RECQL: variants seen among roughly 807,000 people sequenced by gnomAD.
The protein encoded by RECQL is ATP-dependent DNA helicase Q1.
In RECQL, 73 loss-of-function variants were observed where a neutral mutation model predicts 75.8. That is an observed-to-expected ratio of 0.96 (90% CI 0.80 to 1.17). The LOEUF is 1.17. RECQL is among the 50% of genes most tolerant of loss of function. The probability of loss-of-function intolerance (pLI) is 0.00; values close to 1 mark genes in which losing one functional copy is unlikely to be tolerated. For synonymous variants in RECQL, 248 were observed against 254.4 expected (o/e 0.97, Z 0.24); for missense variants, 699 against 772.1 (o/e 0.91, Z 1.12).
At chr12:21,496,008 T>C (rs1943500571) in intron 2 of RECQL, among the ~76,000 whole-genome samples, 1 of 152,170 alleles carries the variant, frequency 6.6e-6, no homozygotes, top group Non-Finnish European at 1.5e-5. Flanking sequence ...CTAAGGATTA[T>C]TATTATAGGA....
Position 21,491,596 on chromosome 12 carries a change from A to C in RECQL, c.137T>G (p.Ile46Arg). The change falls in exon 3 of 15, where the codon ATA becomes AGA. Residue 46 changes from isoleucine (I) to arginine (R), a missense_variant. By Grantham distance (97) the Ile-to-Arg change is moderately conservative. This residue lies in a region of RECQL where 669 missense variants were observed against 713.5 expected (regional missense o/e 0.94). Transcript: ENST00000444129. The part of the protein sequence containing the change: ...IQKKKVLTKK[I>R]KQCLEDSDAG... Reference sequence around the variant, plus strand: ...ATCAGAATCCTCTAAACACTGCTTTATTTTCTTTGTCAGGACTTTTTTTTT... The same window carrying C: ...ATCAGAATCCTCTAAACACTGCTTTCTTTTCTTTGTCAGGACTTTTTTTTT... 1.2e-6 allele frequency: 2 copies of C among 1,611,300 alleles called. No individual in the cohort carries two copies. The highest frequency in any genetic ancestry group is 1.7e-6 in the Non-Finnish European group (2 of 1,179,492).
At chr12:21,472,210 G>C (rs982289396) in intron 12 of RECQL, among the ~76,000 whole-genome samples, 2 of 151,986 alleles carry the variant, frequency 1.3e-5, no homozygotes, top group Non-Finnish European at 2.9e-5. Flanking sequence ...TGAGGTACTG[G>C]CTAGTCCAGA....
chr12:21,487,561 C>T lies in RECQL; in HGVS notation c.395-976G>A, dbSNP rs968728341. On this transcript the variant is annotated intron_variant, in intron 4 of 14. Coordinates refer to ENST00000444129, the MANE Select transcript of RECQL (RefSeq NM_002907.4). ...GCAAAGAGCAGACATGTTTAAAAAA[C>T]ATAATCAAATTAAGACCTTATTAGG... 2.6e-5 allele frequency among the ~76,000 whole-genome samples: 4 copies of T among 152,158 alleles called. No individual in the cohort carries two copies. In the South Asian group the frequency reaches 6.2e-4, roughly 24 times the overall value.
chr12:21,485,140 G>A (rs749947928), intron 5 of RECQL, among the ~76,000 whole-genome samples: 6 of 149,656 alleles, frequency 4.0e-5, no homozygotes, highest in Non-Finnish European at 7.4e-5. Context: ...ACCCACTGAC[G>A]CTTAGCATCA....
intron 6 of RECQL, among the ~76,000 whole-genome samples, 162 bp from the exon 7 acceptor site, chr12:21,478,131 G>A (rs773001524): frequency 2.0e-5 from 3 of 152,008 alleles, no homozygotes; most frequent in Non-Finnish European, 4.4e-5. Context: ...TGATGGGCAG[G>A]CTTTATTACG....
At chr12:21,487,102 C>T (rs928030571) in intron 4 of RECQL, among the ~76,000 whole-genome samples, 11 of 5,494 alleles carry the variant, frequency 2.0e-3, no homozygotes, top group Non-Finnish European at 0.014. Context: ...AAGTAGAAGC[C>T]AAATAAACAT....
chr12:21,471,374 TAAA>T, intron 13 of RECQL, 51 bp downstream of exon 13: 1 of 1,475,560 alleles, frequency 6.8e-7, no homozygotes, highest in Non-Finnish European at 9.3e-7. Flanking sequence ...TTGCAATTTT[TAAA>T]AAAAAACCAT....
chr12:21,476,860 CA>C lies in RECQL; in HGVS notation c.949+50del, dbSNP rs1248261989. The C allele has an allele frequency of 5.7e-6, 7 of 1,225,774 alleles. No individual in the cohort carries two copies. The African/African-American group carries it at 1.1e-4, about 19-fold the overall frequency. 75.9% of individuals were successfully genotyped at this position (1,225,774 alleles called of 1,614,324 possible). A position where few individuals can be genotyped will look rare whatever the true frequency, so the allele number is the denominator to read the frequency against. On this transcript the variant is annotated intron_variant, in intron 8 of 14. Coordinates refer to ENST00000444129, the MANE Select transcript of RECQL (RefSeq NM_002907.4). ...TATAATTATCAATATGATATGAAGT[CA>C]CTTTTTGAAAGTTATCTCTGTCTCC...
Position 21,474,970 on chromosome 12 carries a change from T to G in RECQL, c.1226A>C (p.Asp409Ala). The change falls in exon 11 of 15, where the codon GAC becomes GCC. Residue 409 changes from aspartate (D) to alanine (A), a missense_variant. Transcript: ENST00000444129. ...GTACAAAATACAGTCTGCTTTCATGTCATCTCGACCTGTGGTGTGAGAAAC... is the reference window on the plus strand; with the variant it reads ...GTACAAAATACAGTCTGCTTTCATGGCATCTCGACCTGTGGTGTGAGAAAC... Reference protein sequence around the residue: ...YQESGRAGRDDMKADCILYYG... With the variant: ...YQESGRAGRDAMKADCILYYG... The G allele has an allele frequency of 3.1e-6, 5 of 1,612,292 alleles. No individual in the cohort carries two copies. Among genetic ancestry groups the G allele is most frequent in the Non-Finnish European group, 4.2e-6 (5 of 1,178,782 alleles).
chr12:21,478,458 T>C (rs1251609431), intron 6 of RECQL, among the ~76,000 whole-genome samples: 1 of 152,142 alleles, frequency 6.6e-6, no homozygotes. Context: ...AGGACTACTA[T>C]GAAAACAAAG....
At chr12:21,472,870 G>T (rs1038619829) in intron 12 of RECQL, among the ~76,000 whole-genome samples, 1 of 152,088 alleles carries the variant, frequency 6.6e-6, no homozygotes, top group Non-Finnish European at 1.5e-5. Flanking sequence ...TGACTATAAA[G>T]TATTAGAGAT....
chr12:21,473,953 G>A (rs1274083529), intron 11 of RECQL, among the ~76,000 whole-genome samples: 8 of 152,006 alleles, frequency 5.3e-5, no homozygotes, highest in Non-Finnish European at 1.2e-4. Context: ...CTTTCCTTTT[G>A]CCATGTGAGG....
rs148514266 is a variant in RECQL, at chr12:21,498,330, C to T, written c.16+1225G>A. 1.3e-3 allele frequency among the ~76,000 whole-genome samples: 197 copies of T among 152,278 alleles called. 1 individual carries two copies. In the South Asian group the frequency reaches 0.02, roughly 16 times the overall value. ...TGAATAGTGCTGTTTCTCCCATTGC[C>T]ACGATTCACGGGAATCAGCGGTGGA... On this transcript the variant is annotated intron_variant, in intron 2 of 14. Transcript: ENST00000444129.
At chr12:21,490,084 C>CA (rs1308195477) in intron 4 of RECQL, 115 bp downstream of exon 4, 3 of 514,854 alleles carry the variant, frequency 5.8e-6, no homozygotes, top group Non-Finnish European at 9.7e-6. Flanking sequence ...AGAAATCAAA[C>CA]AAAAATGCAC....
Position 21,491,658 on chromosome 12 carries a change from A to G in RECQL, c.75T>C (p.Ile25=), listed in dbSNP as rs1327715764. The change falls in exon 3 of 15, where the codon ATT becomes ATC. Residue 25 remains isoleucine (I), a synonymous_variant. Coordinates refer to ENST00000444129, the MANE Select transcript of RECQL (RefSeq NM_002907.4). Reference sequence around the variant, plus strand: ...CTTGTTGCCTTTCCGTAAGTTCTTGAATTTGAATTTCTACTGCATGTAGCT... The same window carrying G: ...CTTGTTGCCTTTCCGTAAGTTCTTGGATTTGAATTTCTACTGCATGTAGCT... ...TSELHAVEIQ[I]QELTERQQEL... is the part of the protein sequence containing the mutation. The G allele has an allele frequency of 1.2e-6, 2 of 1,613,678 alleles. No homozygotes were observed. Among genetic ancestry groups the G allele is most frequent in the South Asian group, 2.2e-5 (2 of 91,048 alleles).
Position 21,491,645 on chromosome 12 carries a change from C to G in RECQL, c.88G>C (p.Glu30Gln). ...TTCTGAATAAGCTCTTGTTGCCTTT[C>G]CGTAAGTTCTTGAATTTGAATTTCT... The part of the protein sequence containing the change: ...AVEIQIQELT[E>Q]RQQELIQKKK... The change falls in exon 3 of 15, where the codon GAA (glutamate) becomes CAA (glutamine). Residue 30 changes from glutamate to glutamine, a missense_variant. This residue lies in a region of RECQL where 669 missense variants were observed against 713.5 expected (regional missense o/e 0.94). Coordinates refer to ENST00000444129, the MANE Select transcript of RECQL (RefSeq NM_002907.4). 6.2e-7 allele frequency: 1 copy of G among 1,613,700 alleles called. No homozygotes were observed.
chr12:21,479,204 T>C (rs1163530442), intron 6 of RECQL, among the ~76,000 whole-genome samples: 1 of 152,178 alleles, frequency 6.6e-6, no homozygotes, highest in African/African-American at 2.4e-5. Flanking sequence ...CGTTATCCCA[T>C]AACATTCATC....
Position 21,491,722 on chromosome 12 carries a change from G to T in RECQL, c.17-6C>A. Reference sequence around the variant, plus strand: ...ATCCAGTTCCTCAGTTAGAGCTATGGGAGGCAGCGCGGATACAATGATTAG... The same window carrying T: ...ATCCAGTTCCTCAGTTAGAGCTATGTGAGGCAGCGCGGATACAATGATTAG... On this transcript the variant is annotated splice_region_variant and splice_polypyrimidine_tract_variant and intron_variant, in intron 2 of 14. Coordinates refer to ENST00000444129, the MANE Select transcript of RECQL (RefSeq NM_002907.4). The T allele has an allele frequency of 1.2e-6, 2 of 1,605,714 alleles. No homozygotes were observed. The highest frequency in any genetic ancestry group is 2.2e-5 in the South Asian group (2 of 89,198).
rs746041500 is a variant in RECQL at position 21,476,941 on chromosome 12, G to C, written c.919C>G (p.Leu307Val). The C allele has an allele frequency of 6.2e-7, 1 of 1,608,964 alleles. No homozygotes were observed. The highest frequency in any genetic ancestry group is 1.3e-5 in the African/African-American group (1 of 74,746). ...TGCCCTTTGTATCTCCCATTAATGA[G>C]CTTTACAATATCCTCAATAAAATCT... is the stretch of plus-strand genomic sequence containing the variant. ...TEDFIEDIVKLINGRYKGQSG... is the reference protein window; with the variant it reads ...TEDFIEDIVKVINGRYKGQSG... The change falls in exon 8 of 15, where the codon CTC becomes GTC. Residue 307 changes from leucine to valine, a missense_variant. Coordinates refer to ENST00000444129, the MANE Select transcript of RECQL (RefSeq NM_002907.4).
Sources: allele counts gnomAD v4.1 joint callset (sites outside exome capture counted in the v4.1 genomes callset), GRCh38; gene constraint gnomAD v4.1.1; regional missense constraint gnomAD v4.1.1; transcripts MANE v1.5; gene names NCBI Gene and HGNC (gene_info 2026-07-23, HGNC 2026-07-21).